STRA6: variants seen among roughly 807,000 people sequenced by gnomAD.
STRA6 encodes the protein receptor for retinol uptake STRA6.
A neutral mutation model predicts 83.6 loss-of-function variants in STRA6; 48 were observed. The ratio of observed to expected loss-of-function variants is 0.57; its 90% CI spans 0.46 to 0.73. STRA6 has a LOEUF of 0.73. STRA6 is among the 30% of genes least tolerant of loss of function. STRA6 has a pLI of 0.00. For synonymous variants in STRA6, 353 were observed against 362.3 expected (o/e 0.97, Z 0.29); for missense variants, 760 against 838.8 (o/e 0.91, Z 1.16).
At chr15:74,205,982 T>C (rs973451753), upstream of STRA6, among the ~76,000 whole-genome samples, 10 of 152,144 alleles carry the variant, frequency 6.6e-5, no homozygotes, top group Admixed American at 4.6e-4. Flanking sequence ...GAACGCCTGG[T>C]TGGGGAGGCC....
At chr15:74,183,810 G>C (rs1163850737) in intron 14 of STRA6, 46 bp downstream of exon 14, 3 of 1,613,224 alleles carry the variant, frequency 1.9e-6, no homozygotes, top group Admixed American at 3.3e-5. Flanking sequence ...AGTGTCTGAG[G>C]GGAGGCCCAG....
At chr15:74,201,707 C>T (rs146574537) in intron 2 of STRA6, among the ~76,000 whole-genome samples, 19 of 152,274 alleles carry the variant, frequency 1.2e-4, no homozygotes, top group African/African-American at 4.1e-4. Context: ...CTGCCTTCCC[C>T]GAATCCCCCA....
intron 3 of STRA6, 116 bp downstream of exon 3, chr15:74,197,636 T>TC (rs1271599353): frequency 7.2e-7 from 1 of 1,392,770 alleles, no homozygotes; most frequent in African/African-American, 1.4e-5. Flanking sequence ...CCCAGATAGC[T>TC]CCCCCCACCC....
At chr15:74,190,991 G>C in intron 10 of STRA6, 90 bp from the exon 11 acceptor site, 1 of 1,594,200 alleles carries the variant, frequency 6.3e-7, no homozygotes, top group Non-Finnish European at 8.5e-7. Flanking sequence ...AAAAGGGCCA[G>C]CAGGACCCTA....
Position 74,190,910 on chromosome 15 carries a change from C to G in STRA6, c.866-9G>C, listed in dbSNP as rs373072158. 1 of 1,613,994 alleles carries G rather than the reference C, an allele frequency of 6.2e-7. No homozygotes were observed. The highest frequency in any genetic ancestry group is 1.3e-5 in the African/African-American group (1 of 74,902). On this transcript the variant is annotated splice_polypyrimidine_tract_variant and intron_variant, in intron 10 of 18. Coordinates refer to ENST00000395105, the MANE Select transcript of STRA6 (RefSeq NM_022369.4). The stretch of plus-strand genomic sequence containing the variant: ...CAGCGGGAGATGGAATCCTGTAGTC[C>G]TCAAAGGAAGGAGTATGGTGAACAG...
Position 74,188,271 on chromosome 15 carries a change from C to T in STRA6, c.1090+844G>A, listed in dbSNP as rs2073355310. Among the ~76,000 whole-genome samples the T allele has an allele frequency of 6.6e-6, 1 of 152,236 alleles. No individual in the cohort carries two copies. The highest frequency in any genetic ancestry group is 6.5e-5 in the Admixed American group (1 of 15,286). On this transcript the variant is annotated intron_variant, in intron 12 of 18. Transcript: ENST00000395105. The surrounding 1 kb of genome is among the most constrained non-coding windows in gnomAD (Gnocchi z 4.5). ...AGGTACAGCTGCGGAGCAGCTACAC[C>T]TCCACCTGCAACGCTGGCAGCCCAC...
Position 74,179,896 on chromosome 15 carries a change from T to C in STRA6, c.*184A>G. 1.3e-6 allele frequency: 1 copy of C among 744,538 alleles called. No individual in the cohort carries two copies. The highest frequency in any genetic ancestry group is 2.7e-5 in the East Asian group (1 of 37,122). The allele number at this position is 744,538 out of a possible 1,614,324, so 46.1% of individuals were successfully genotyped here. A position where few individuals can be genotyped will look rare whatever the true frequency, so the allele number is the denominator to read the frequency against. On this transcript the variant is annotated 3_prime_UTR_variant, in exon 19 of 19. Transcript: ENST00000395105. Reference sequence around the variant, plus strand: ...CCCTGCTGGCTCTCCCATAGCCAAGTGGGTGGAGCAGAGCCCTCCTGAGGC... The same window carrying C: ...CCCTGCTGGCTCTCCCATAGCCAAGCGGGTGGAGCAGAGCCCTCCTGAGGC...
chr15:74,209,692 C>G (rs968025009), upstream of STRA6: 8 of 511,662 alleles, frequency 1.6e-5, no homozygotes, highest in Non-Finnish European at 2.8e-5. Flanking sequence ...CTGCATCCCC[C>G]CTCACCTGAG....
rs188783201 is a variant in STRA6, at chr15:74,182,047, G to C, written c.1520+114C>G. On this transcript the variant is annotated intron_variant, in intron 16 of 18. Coordinates refer to ENST00000395105, the MANE Select transcript of STRA6 (RefSeq NM_022369.4). ...GGCAAGCTCTTTCTACTATCATCTGGGTTCCTTGATAGAGAGAAGGGATAG... is the reference window on the plus strand; with the variant it reads ...GGCAAGCTCTTTCTACTATCATCTGCGTTCCTTGATAGAGAGAAGGGATAG... The C allele has an allele frequency of 5.7e-4, 529 of 934,500 alleles. 2 individuals are homozygous for C. The African/African-American group carries it at 7.6e-3, about 13-fold the overall frequency. The allele number at this position is 934,500 out of a possible 1,614,324, so 57.9% of individuals were successfully genotyped here. A position where few individuals can be genotyped will look rare whatever the true frequency, so the allele number is the denominator to read the frequency against.
intron 12 of STRA6, among the ~76,000 whole-genome samples, chr15:74,187,404 C>T (rs190138284): frequency 3.3e-5 from 5 of 152,274 alleles, no homozygotes; most frequent in Non-Finnish European, 7.4e-5. Flanking sequence ...GCAAGTGTTC[C>T]TTTTTCACTC....
chr15:74,190,852 C>T lies in STRA6; in HGVS notation c.915G>A (p.Thr305=), dbSNP rs748596436. 47 of 1,613,944 alleles carry T rather than the reference C, an allele frequency of 2.9e-5. 2 individuals are homozygous for T. In the Middle Eastern group the frequency reaches 3.1e-3, roughly 107 times the overall value. The stretch of plus-strand genomic sequence containing the variant: ...GTGAGGGACATACCTGGTAAATGGC[C>T]GTCCCTGTCAGTGTAGCTGAAAGCA... ...KLVLSATLTG[T]AIYQVALLLL... Residue 305 remains threonine, a synonymous_variant, in exon 11 of 19, where the codon ACG becomes ACA. Coordinates refer to ENST00000395105, the MANE Select transcript of STRA6 (RefSeq NM_022369.4).
intron 8 of STRA6, chr15:74,191,785 C>A: frequency 2.0e-6 from 1 of 510,600 alleles, no homozygotes; most frequent in Non-Finnish European, 3.6e-6. Flanking sequence ...TCAGTCACAT[C>A]TCTTCACCGT....
At chr15:74,208,150 C>T in intron 1 of STRA6, 1 of 824,304 alleles carries the variant, frequency 1.2e-6, no homozygotes, top group South Asian at 2.9e-5. Context: ...TGTTCTTTCC[C>T]TCCCAGAGGG....
chr15:74,190,801 G>A (rs2073492118), intron 11 of STRA6, 39 bp downstream of exon 11: 2 of 1,613,712 alleles, frequency 1.2e-6, no homozygotes, highest in South Asian at 2.2e-5. Context: ...TGAGGGCAGG[G>A]CTCCAGAGGC....
At chr15:74,209,212 A>G (rs1295490598), upstream of STRA6, 9 of 1,055,046 alleles carry the variant, frequency 8.5e-6, no homozygotes, top group African/African-American at 4.8e-5. Flanking sequence ...CTCCAGCGGT[A>G]TAGCCTCTCC....
At chr15:74,184,955 G>A (rs755928403) in intron 13 of STRA6, 25 bp downstream of exon 13, 2 of 1,610,906 alleles carry the variant, frequency 1.2e-6, no homozygotes, top group Non-Finnish European at 1.7e-6. Flanking sequence ...CCTCGGCGCT[G>A]GGTGAGCCAG....
At chr15:74,193,261 G>A (rs772007101) in intron 8 of STRA6, among the ~76,000 whole-genome samples, 1 of 151,972 alleles carries the variant, frequency 6.6e-6, no homozygotes. Context: ...GCTCTTTCCC[G>A]TGCCTACAAT....
At chr15:74,199,595 C>T (rs1174985276) in intron 2 of STRA6, among the ~76,000 whole-genome samples, 1 of 152,216 alleles carries the variant, frequency 6.6e-6, no homozygotes, top group Non-Finnish European at 1.5e-5. Context: ...TGGACCTTAC[C>T]CCAAACCACC....
rs774562853 is a variant in STRA6 at position 74,196,112 on chromosome 15, G to T, written c.302C>A (p.Ala101Glu). Residue 101 changes from alanine (A) to glutamate (E), a missense_variant, in exon 5 of 19, where the codon GCA (alanine) becomes GAA (glutamate). Ala to Glu is a moderately radical substitution (Grantham distance 107). Transcript: ENST00000395105. ...GACCATGAAAACAGCAGCAGGCACT[G>T]CCCGGGGCCTGTCCCCAGCCAAGAA... ...VDFLAGDRPR[A>E]VPAAVFMVLL... 16 of 1,613,994 alleles carry T rather than the reference G, an allele frequency of 9.9e-6. No homozygotes were observed. In the South Asian group the frequency reaches 1.8e-4, roughly 18 times the overall value.
Sources: gnomAD v4.1 joint callset for allele counts (sites outside exome capture counted in the v4.1 genomes callset) on GRCh38, gnomAD v4.1.1 for gene constraint, Gnocchi (gnomAD v3.1) non-coding constraint, MANE v1.5 for transcripts, NCBI Gene and HGNC (gene_info 2026-07-23, HGNC 2026-07-21) for gene names.